SRSF3: variants seen among roughly 807,000 people sequenced by gnomAD.
SRSF3 encodes the protein serine and arginine rich splicing factor 3, also known as serine/arginine-rich splicing factor 3.
For missense variants in SRSF3, 58 were observed against 217.1 expected (o/e 0.27, Z 4.61); for synonymous variants, 87 against 73.6 (o/e 1.18, Z -0.93).
intron 1 of SRSF3, among the ~76,000 whole-genome samples, chr6:36,595,375 A>G (rs886733032): frequency 1.3e-5 from 2 of 152,182 alleles, no homozygotes; most frequent in East Asian, 1.9e-4. Flanking sequence ...TTAAAGTGAA[A>G]TTATCTTTAA....
At position 36,604,601 on chromosome 6, in the gene SRSF3, G is replaced by C. The variant is rs1778781147; in HGVS notation, c.*2612G>C. The C allele has an allele frequency of 5.9e-6, 1 of 170,424 alleles. No homozygotes were observed. The highest frequency in any genetic ancestry group is 2.4e-5 in the African/African-American group (1 of 41,986). The allele number at this position is 170,424 out of a possible 1,614,324, so 10.6% of individuals were successfully genotyped here. The stretch of plus-strand genomic sequence containing the variant: ...GTATCTTAGAGATCCTTACAAACGT[G>C]ATCCCGTCAGCGTCCATGACACTCC... On this transcript the variant is annotated 3_prime_UTR_variant, in exon 6 of 6. Coordinates refer to ENST00000373715, the MANE Select transcript of SRSF3 (RefSeq NM_003017.5).
rs1248530191 is a variant in SRSF3 at position 36,605,069 on chromosome 6, T to A, written c.*3080T>A. ...TGGAAGTACATTTTTCTCTAAATAA[T>A]CCAGTAGTGTTGAATTTGATTTTAT... On this transcript the variant is annotated 3_prime_UTR_variant, in exon 6 of 6. Coordinates refer to ENST00000373715, the MANE Select transcript of SRSF3 (RefSeq NM_003017.5). The A allele has an allele frequency of 6.6e-6, 1 of 152,244 alleles. No individual in the cohort carries two copies. The highest frequency in any genetic ancestry group is 1.5e-5 in the Non-Finnish European group (1 of 68,040). The allele number at this position is 152,244 out of a possible 1,614,324, so 9.4% of individuals were successfully genotyped here. A position where few individuals can be genotyped will look rare whatever the true frequency, so the allele number is the denominator to read the frequency against.
chr6:36,602,287 C>A lies in SRSF3; in HGVS notation c.*298C>A. ...ACAGACTGATAATAAACCTCTAAAC[C>A]TGCCCAGCGGAAGTGTGTTTTTTTT... On this transcript the variant is annotated 3_prime_UTR_variant, in exon 6 of 6. Coordinates refer to ENST00000373715, the MANE Select transcript of SRSF3 (RefSeq NM_003017.5). The A allele has an allele frequency of 2.6e-6, 1 of 380,498 alleles. No homozygotes were observed. The highest frequency in any genetic ancestry group is 4.5e-6 in the Non-Finnish European group (1 of 219,970). The allele number at this position is 380,498 out of a possible 1,614,324, so 23.6% of individuals were successfully genotyped here.
In SRSF3 at chr6:36,603,225, C is replaced by G. The variant is rs186527511; in HGVS notation, c.*1236C>G. 114 of 224,574 alleles carry G rather than the reference C, an allele frequency of 5.1e-4. No homozygotes were observed. Among genetic ancestry groups the G allele is most frequent in the Non-Finnish European group, 8.9e-6 (1 of 112,410 alleles). The allele number at this position is 224,574 out of a possible 1,614,324, so 13.9% of individuals were successfully genotyped here. On this transcript the variant is annotated 3_prime_UTR_variant, in exon 6 of 6. Transcript: ENST00000373715. ...TTATCTTTAGCATGAAAACTTTCCACAGGTCTAAAAATTGCTTCCATTTTA... is the reference window on the plus strand; with the variant it reads ...TTATCTTTAGCATGAAAACTTTCCAGAGGTCTAAAAATTGCTTCCATTTTA...
At chr6:36,596,666 T>A (rs907810590) in intron 1 of SRSF3, 95 bp from the exon 2 acceptor site, 5 of 1,123,224 alleles carry the variant, frequency 4.5e-6, no homozygotes, top group South Asian at 4.0e-5. Flanking sequence ...TACCTTAAAC[T>A]CTCTTGTCCT....
Position 36,601,163 on chromosome 6 carries a change from G to T in SRSF3, c.353G>T (p.Arg118Met). 1 of 1,613,560 alleles carries T rather than the reference G, an allele frequency of 6.2e-7. No homozygotes were observed. Among genetic ancestry groups the T allele is most frequent in the Non-Finnish European group, 8.5e-7 (1 of 1,179,888 alleles). ...SPPPRRRSPR[R>M]RSFSRSRSRS... ...GTTTCTGCTTTTAGATCTCCAAGAA[G>T]GAGAAGCTTCTCTCGCAGCCGGAGC... Residue 118 changes from arginine (R) to methionine (M), a missense_variant, in exon 4 of 6, where the codon AGG becomes ATG. Coordinates refer to ENST00000373715, the MANE Select transcript of SRSF3 (RefSeq NM_003017.5).
chr6:36,601,843 T>C (rs1279038446), intron 5 of SRSF3, 49 bp downstream of exon 5: 1 of 1,602,770 alleles, frequency 6.2e-7, no homozygotes, highest in Non-Finnish European at 8.5e-7. Flanking sequence ...CATAGTATGC[T>C]AAGGCCTGTC....
At chr6:36,599,046 T>G in intron 3 of SRSF3, 63 bp downstream of exon 3, 1 of 1,570,074 alleles carries the variant, frequency 6.4e-7, no homozygotes, top group South Asian at 1.2e-5. Context: ...GGAGCAGGTA[T>G]TTCTCTTAAG....
In SRSF3 at chr6:36,601,138, G is replaced by C. The variant is rs1778709667; in HGVS notation, c.342-14G>C. 3 of 1,603,360 alleles carry C rather than the reference G, an allele frequency of 1.9e-6. No individual in the cohort carries two copies. Among genetic ancestry groups the C allele is most frequent in the Non-Finnish European group, 2.6e-6 (3 of 1,176,010 alleles). On this transcript the variant is annotated splice_polypyrimidine_tract_variant and intron_variant, in intron 3 of 5. Coordinates refer to ENST00000373715, the MANE Select transcript of SRSF3 (RefSeq NM_003017.5). ...AATTGATGATGAGCCTAATTTTCCT[G>C]TTTCTGCTTTTAGATCTCCAAGAAG...
At position 36,602,058 on chromosome 6, in the gene SRSF3, C is replaced by T; in HGVS notation, c.*69C>T. On this transcript the variant is annotated 3_prime_UTR_variant, in exon 6 of 6. Coordinates refer to ENST00000373715, the MANE Select transcript of SRSF3 (RefSeq NM_003017.5). ...TTGACAGGAGTATGTACAGAAAATTCAAGTTTTGTTTGAGACTTCATAAGC... is the reference window on the plus strand; with the variant it reads ...TTGACAGGAGTATGTACAGAAAATTTAAGTTTTGTTTGAGACTTCATAAGC... The T allele has an allele frequency of 1.3e-6, 2 of 1,543,476 alleles. No homozygotes were observed. The highest frequency in any genetic ancestry group is 1.7e-6 in the Non-Finnish European group (2 of 1,153,320).
chr6:36,596,636 A>ATTTTT, intron 1 of SRSF3, 125 bp from the exon 2 acceptor site: 2 of 777,080 alleles, frequency 2.6e-6, no homozygotes, highest in Non-Finnish European at 4.0e-6. Flanking sequence ...CATTTTTGTA[A>ATTTTT]TTTTTTTTTC....
intron 3 of SRSF3, among the ~76,000 whole-genome samples, 189 bp downstream of exon 3, chr6:36,599,172 T>A (rs1778678324): frequency 6.6e-6 from 1 of 152,204 alleles, no homozygotes; most frequent in African/African-American, 2.4e-5. Context: ...TAGGTCACTG[T>A]TCATGTTGGT....
At chr6:36,600,737 C>G (rs1159256678) in intron 3 of SRSF3, 2 of 158,216 alleles carry the variant, frequency 1.3e-5, no homozygotes, top group African/African-American at 2.4e-5. Context: ...CACTATCCAC[C>G]TGGTACCTAA....
At position 36,604,030 on chromosome 6, in the gene SRSF3, T is replaced by C. The variant is rs73408346; in HGVS notation, c.*2041T>C. On this transcript the variant is annotated 3_prime_UTR_variant, in exon 6 of 6. Coordinates refer to ENST00000373715, the MANE Select transcript of SRSF3 (RefSeq NM_003017.5). ...GTTACTTTAACCAGGAGCCCTAGCA[T>C]AACCTCAAGACTCTTAGAAACTTTA... The C allele has an allele frequency of 0.024, 5,553 of 230,234 alleles. 79 individuals carry two copies. The highest frequency in any genetic ancestry group is 0.039 in the African/African-American group (1,773 of 45,294). The allele number at this position is 230,234 out of a possible 1,614,324, so 14.3% of individuals were successfully genotyped here. A position where few individuals can be genotyped will look rare whatever the true frequency, so the allele number is the denominator to read the frequency against.
intron 2 of SRSF3, 56 bp from the exon 3 acceptor site, chr6:36,598,793 T>C: frequency 1.9e-6 from 3 of 1,594,070 alleles, no homozygotes; most frequent in Non-Finnish European, 1.7e-6. Flanking sequence ...CTTTTGGCTT[T>C]AATACGCATG....
chr6:36,596,636 AT>A lies in SRSF3; in HGVS notation c.-2-116del, dbSNP rs201551442. ...TTGTTTGGTTTCTAGCATTTTTGTA[AT>A]TTTTTTTTCTTTACGTGCTACCTTA... On this transcript the variant is annotated intron_variant, in intron 1 of 5. Transcript: ENST00000373715. The A allele has an allele frequency of 6.7e-5, 52 of 776,890 alleles. No homozygotes were observed. In the Middle Eastern group the frequency reaches 2.0e-3, roughly 29 times the overall value. 48.1% of individuals were successfully genotyped at this position (776,890 alleles called of 1,614,324 possible).
At chr6:36,595,822 A>G (rs755686004) in intron 1 of SRSF3, among the ~76,000 whole-genome samples, 1 of 152,212 alleles carries the variant, frequency 6.6e-6, no homozygotes, top group Non-Finnish European at 1.5e-5. Flanking sequence ...TCGTTGCTTG[A>G]TAAATTTTTA....
chr6:36,595,523 C>T (rs1778612532), intron 1 of SRSF3, among the ~76,000 whole-genome samples: 1 of 152,204 alleles, frequency 6.6e-6, no homozygotes. Context: ...CCTCTAGTCC[C>T]TAGCAACCAC....
chr6:36,604,750 T>G lies in SRSF3; in HGVS notation c.*2761T>G, dbSNP rs1451278186. On this transcript the variant is annotated 3_prime_UTR_variant, in exon 6 of 6. Coordinates refer to ENST00000373715, the MANE Select transcript of SRSF3 (RefSeq NM_003017.5). ...TTAGAAATTTTGTTGAAGAGGTATT[T>G]CAGAATAGATACAGCCAGACTCCAG... 1 of 152,532 alleles carries G rather than the reference T, an allele frequency of 6.6e-6. No homozygotes were observed. The highest frequency in any genetic ancestry group is 1.5e-5 in the Non-Finnish European group (1 of 68,232). 9.4% of individuals were successfully genotyped at this position (152,532 alleles called of 1,614,324 possible).
Sources: allele counts gnomAD v4.1 joint callset (sites outside exome capture counted in the v4.1 genomes callset), GRCh38; gene constraint gnomAD v4.1.1; transcripts MANE v1.5; gene names NCBI Gene and HGNC (gene_info 2026-07-23, HGNC 2026-07-21).